The following WDR70 variants were observed in gnomAD, a reference collection of about 807,000 sequenced individuals.
WDR70 encodes the protein WD repeat-containing protein 70.
A neutral mutation model predicts 88.6 loss-of-function variants in WDR70; 53 were observed. That is an observed-to-expected ratio of 0.60 (90% CI 0.48 to 0.75). The LOEUF (loss-of-function observed/expected upper bound fraction) is 0.75, where lower values mean the gene tolerates loss of function less well. WDR70 is among the 30% of genes least tolerant of loss of function. The pLI is 0.00. For synonymous variants in WDR70, 280 were observed against 270.0 expected (o/e 1.04, Z -0.36); for missense variants, 610 against 823.2 (o/e 0.74, Z 3.17).
chr5:37,637,342 A>AATAAATAC (rs1744999966), intron 10 of WDR70, among the ~76,000 whole-genome samples: 2 of 53,968 alleles, frequency 3.7e-5, no homozygotes, highest in African/African-American at 2.4e-4. Flanking sequence ...AAATAAATTA[A>AATAAATAC]ATAAATAAAT....
intron 7 of WDR70, among the ~76,000 whole-genome samples, chr5:37,465,733 G>C (rs2112117820): frequency 6.8e-6 from 1 of 147,542 alleles, no homozygotes; most frequent in South Asian, 2.2e-4. Flanking sequence ...AAATAAATGG[G>C]ACTCAACAGC....
chr5:37,749,188 C>G (rs1431530338), intron 17 of WDR70, among the ~76,000 whole-genome samples: 1 of 152,114 alleles, frequency 6.6e-6, no homozygotes, highest in Non-Finnish European at 1.5e-5. Flanking sequence ...TTTACAGTAG[C>G]AAAGACATGG....
chr5:37,389,707 C>T (rs575622750), intron 3 of WDR70, among the ~76,000 whole-genome samples: 5 of 152,214 alleles, frequency 3.3e-5, no homozygotes, highest in South Asian at 4.2e-4. Flanking sequence ...CCACCGTGCC[C>T]GACAGGCCCA....
chr5:37,494,390 C>T (rs544486537), intron 8 of WDR70, among the ~76,000 whole-genome samples: 25 of 152,204 alleles, frequency 1.6e-4, no homozygotes, highest in African/African-American at 5.5e-4. Context: ...AATCATTCTG[C>T]GTGTTCATAT....
chr5:37,682,963 G>C (rs1249839972), intron 10 of WDR70, among the ~76,000 whole-genome samples: 1 of 152,034 alleles, frequency 6.6e-6, no homozygotes, highest in Non-Finnish European at 1.5e-5. Flanking sequence ...ACTAATATGT[G>C]GGAGTCCAAG....
chr5:37,424,904 CAAAA>C (rs547191717), intron 5 of WDR70, among the ~76,000 whole-genome samples: 61 of 151,776 alleles, frequency 4.0e-4, no homozygotes, highest in African/African-American at 1.4e-3. Context: ...ACAAAACAGA[CAAAA>C]AAAATCTTGC....
intron 7 of WDR70, among the ~76,000 whole-genome samples, chr5:37,472,381 A>G (rs1277331698): frequency 6.6e-6 from 1 of 152,032 alleles, no homozygotes; most frequent in South Asian, 2.1e-4. Context: ...ATTATATAAT[A>G]TATAGTATGT....
rs1298687323 is a variant in WDR70, at chr5:37,727,057, G to A, written c.1877+12G>A. ...CCAGCATATTCCAAGTGAGAATATA[G>A]CTTTTTAAAACAGGAAAATTGTTAT... On this transcript the variant is annotated intron_variant, in intron 17 of 17. Coordinates refer to ENST00000265107, the MANE Select transcript of WDR70 (RefSeq NM_018034.4). 5 of 1,598,334 alleles carry A rather than the reference G, an allele frequency of 3.1e-6. No homozygotes were observed. The highest frequency in any genetic ancestry group is 3.4e-6 in the Non-Finnish European group (4 of 1,175,238).
chr5:37,666,881 A>G (rs1745856878), intron 10 of WDR70, among the ~76,000 whole-genome samples: 1 of 152,180 alleles, frequency 6.6e-6, no homozygotes, highest in Admixed American at 6.5e-5. Context: ...TCTCCCTGGA[A>G]AGTGGGGATA....
At chr5:37,669,303 C>G (rs1196533130) in intron 10 of WDR70, among the ~76,000 whole-genome samples, 1 of 151,452 alleles carries the variant, frequency 6.6e-6, no homozygotes, top group African/African-American at 2.4e-5. Context: ...TCAGATCCCA[C>G]TGTCTTTTGT....
At position 37,484,447 on chromosome 5, in the gene WDR70, C is replaced by T. The variant is rs1041023545; in HGVS notation, c.840+4460C>T. On this transcript the variant is annotated intron_variant, in intron 8 of 17. Coordinates refer to ENST00000265107, the MANE Select transcript of WDR70 (RefSeq NM_018034.4). ...GCGCGCGCCTGCAATCGCAGGCACT[C>T]GGCAGGCTGAGGCAGGAGAATCAGG... 5.3e-5 allele frequency among the ~76,000 whole-genome samples: 8 copies of T among 152,114 alleles called. No individual in the cohort carries two copies. In the South Asian group the frequency reaches 6.2e-4, roughly 12 times the overall value.
intron 10 of WDR70, among the ~76,000 whole-genome samples, chr5:37,666,665 A>C (rs1035005060): frequency 6.6e-6 from 1 of 152,186 alleles, no homozygotes; most frequent in Non-Finnish European, 1.5e-5. Flanking sequence ...GGTGCTGCAC[A>C]AACAGAGTCT....
chr5:37,404,475 AT>A (rs1427452399), intron 5 of WDR70, among the ~76,000 whole-genome samples: 1 of 152,120 alleles, frequency 6.6e-6, no homozygotes, highest in Non-Finnish European at 1.5e-5. Flanking sequence ...ATGAAAAAAT[AT>A]TTTTTCTATA....
At chr5:37,483,023 C>G (rs986997828) in intron 8 of WDR70, among the ~76,000 whole-genome samples, 3 of 148,400 alleles carry the variant, frequency 2.0e-5, no homozygotes, top group African/African-American at 7.5e-5. Flanking sequence ...CCACTAGCCA[C>G]TGAACTCCAG....
chr5:37,478,904 G>T (rs552337813), intron 7 of WDR70, among the ~76,000 whole-genome samples: 1 of 152,284 alleles, frequency 6.6e-6, no homozygotes, highest in Admixed American at 6.5e-5. Context: ...AGCCACAATG[G>T]CAAGATCAAG....
chr5:37,690,868 A>G (rs756369078), intron 10 of WDR70, among the ~76,000 whole-genome samples: 5 of 152,224 alleles, frequency 3.3e-5, no homozygotes, highest in Non-Finnish European at 7.3e-5. Context: ...AAATTCACAC[A>G]TAACATTATT....
rs1738334677 is a variant in WDR70 at position 37,443,278 on chromosome 5, G to A, written c.592G>A (p.Val198Met). 1 of 1,613,604 alleles carries A rather than the reference G, an allele frequency of 6.2e-7. No individual in the cohort carries two copies. The highest frequency in any genetic ancestry group is 8.5e-7 in the Non-Finnish European group (1 of 1,179,810). ...LGLDPSGARL[V>M]TGGYDYDVKF... is the part of the protein sequence containing the mutation. ...TCTGGATCCCTCAGGTGCCCGTTTG[G>A]TGACAGGAGGATATGACTATGATGT... is the stretch of plus-strand genomic sequence containing the variant. The change falls in exon 7 of 18, where the codon GTG (valine) becomes ATG (methionine). Residue 198 changes from valine (V) to methionine (M), a missense_variant. Val to Met is a conservative substitution (Grantham distance 21, BLOSUM62 1). Transcript: ENST00000265107.
chr5:37,603,236 A>G (rs962448050), intron 9 of WDR70, among the ~76,000 whole-genome samples: 1 of 152,082 alleles, frequency 6.6e-6, no homozygotes, highest in African/African-American at 2.4e-5. Context: ...ATCACATCAC[A>G]CTCCCTGATT....
At chr5:37,623,690 A>G (rs1744581462) in intron 10 of WDR70, among the ~76,000 whole-genome samples, 1 of 152,226 alleles carries the variant, frequency 6.6e-6, no homozygotes, top group South Asian at 2.1e-4. Flanking sequence ...TGGTTCTGGT[A>G]TGATAAAAAT....
Sources: gnomAD v4.1 joint callset for allele counts (sites outside exome capture counted in the v4.1 genomes callset) on GRCh38, gnomAD v4.1.1 for gene constraint, MANE v1.5 for transcripts, NCBI Gene and HGNC (gene_info 2026-07-23, HGNC 2026-07-21) for gene names.